Variants in LINGO2 observed in about 807,000 individuals in gnomAD.
LINGO2 encodes the protein leucine rich repeat and Ig domain containing 2, also known as leucine-rich repeat and immunoglobulin-like domain-containing nogo receptor-interacting protein 2.
A neutral mutation model predicts 30.6 loss-of-function variants in LINGO2; 14 were observed. That is an observed-to-expected ratio of 0.46 (90% CI 0.30 to 0.72). The LOEUF (loss-of-function observed/expected upper bound fraction) is 0.72, where lower values mean the gene tolerates loss of function less well. Among genes scored for constraint, LINGO2 ranks in the 30% least tolerant of loss-of-function variants. LINGO2 has a pLI of 0.07. For synonymous variants in LINGO2, 317 were observed against 288.5 expected (o/e 1.10, Z -1.00); for missense variants, 729 against 751.7 (o/e 0.97, Z 0.35).
intron 3 of LINGO2, among the ~76,000 whole-genome samples, chr9:28,372,521 A>G (rs2383769): frequency 0.78 from 119,236 of 152,066 alleles, 47,981 homozygotes; most frequent in Middle Eastern, 0.9. Context: ...AGAGAATGGA[A>G]TGATGATAGT....
intron 1 of LINGO2, among the ~76,000 whole-genome samples, chr9:28,663,030 T>C (rs962660307): frequency 6.6e-6 from 1 of 152,162 alleles, no homozygotes; most frequent in Admixed American, 6.6e-5. Flanking sequence ...TTATCTTCTG[T>C]AACTGGGAGG....
the LINGO2 span, among the ~76,000 whole-genome samples, chr9:29,177,664 A>G: frequency 6.6e-6 from 1 of 152,144 alleles, no homozygotes; most frequent in Non-Finnish European, 1.5e-5. Flanking sequence ...CTTTTCCACT[A>G]ATCATGATGT....
At chr9:28,058,435 A>G (rs1283641948) in intron 4 of LINGO2, among the ~76,000 whole-genome samples, 1 of 152,134 alleles carries the variant, frequency 6.6e-6, no homozygotes, top group African/African-American at 2.4e-5. Flanking sequence ...GCTACAATAC[A>G]TAGGTATAAA....
chr9:28,007,010 G>T (rs1477636401), intron 5 of LINGO2, among the ~76,000 whole-genome samples: 1 of 152,064 alleles, frequency 6.6e-6, no homozygotes, highest in African/African-American at 2.4e-5. Flanking sequence ...TTCCAATCTG[G>T]ACCCTTGTGA....
chr9:28,777,620 TAC>T, the LINGO2 span, among the ~76,000 whole-genome samples: 1 of 152,198 alleles, frequency 6.6e-6, no homozygotes, highest in Non-Finnish European at 1.5e-5. Flanking sequence ...AGGCAAAGGG[TAC>T]TCTACTTTAA....
chr9:29,148,305 A>G, the LINGO2 span, among the ~76,000 whole-genome samples: 1 of 152,166 alleles, frequency 6.6e-6, no homozygotes, highest in African/African-American at 2.4e-5. Context: ...GAAAACAGTT[A>G]ATATGTTTGA....
At chr9:29,067,899 T>C in the LINGO2 span, among the ~76,000 whole-genome samples, 1 of 151,702 alleles carries the variant, frequency 6.6e-6, no homozygotes, top group Non-Finnish European at 1.5e-5. Context: ...TTTTCTCAAA[T>C]TTGCTATGGA....
chr9:28,046,863 G>T (rs189898496), intron 4 of LINGO2, among the ~76,000 whole-genome samples: 5 of 152,218 alleles, frequency 3.3e-5, no homozygotes, highest in Admixed American at 3.3e-4. Context: ...AAACTGACGT[G>T]TATCTATTAA....
At chr9:29,055,862 A>ACTCTATC in the LINGO2 span, among the ~76,000 whole-genome samples, 1 of 150,144 alleles carries the variant, frequency 6.7e-6, no homozygotes, top group East Asian at 2.0e-4. Flanking sequence ...ATGGTCTCCA[A>ACTCTATC]CTCTATCCAG....
intron 1 of LINGO2, among the ~76,000 whole-genome samples, chr9:28,494,049 C>G (rs1384289803): frequency 1.3e-5 from 2 of 151,974 alleles, no homozygotes; most frequent in Non-Finnish European, 2.9e-5. Context: ...TTAGTTCTGT[C>G]CCTCTAGAGA....
chr9:28,112,015 T>C (rs866475541), intron 4 of LINGO2, among the ~76,000 whole-genome samples: 1,488 of 130,462 alleles, frequency 0.011, 29 homozygotes, highest in African/African-American at 0.04. Context: ...CCCACTAATG[T>C]GTCATCTAGC....
At chr9:28,561,618 AATAT>A (rs1419148734) in intron 1 of LINGO2, among the ~76,000 whole-genome samples, 125 of 106,558 alleles carry the variant, frequency 1.2e-3, no homozygotes, top group African/African-American at 4.4e-3. Flanking sequence ...ATATATGTAT[AATAT>A]ATATAAATTA....
At chr9:28,213,296 T>A (rs1425858212) in intron 4 of LINGO2, among the ~76,000 whole-genome samples, 1 of 151,450 alleles carries the variant, frequency 6.6e-6, no homozygotes, top group Non-Finnish European at 1.5e-5. Context: ...GGAACCCCTG[T>A]GTTTTTCTAG....
Position 28,348,582 on chromosome 9 carries a change from A to G in LINGO2, c.-246+24254T>C, listed in dbSNP as rs532028359. Among the ~76,000 whole-genome samples, 71 of 152,224 alleles carry G rather than the reference A, an allele frequency of 4.7e-4. No individual in the cohort carries two copies. In the South Asian group the frequency reaches 5.6e-3, roughly 12 times the overall value. On this transcript the variant is annotated intron_variant, in intron 3 of 5. Transcript: ENST00000379992. ...CAGCGAGGCTGGGGGAGGGGCGCCCACCATTGCCCAGGCTTGATTAGGTAA... is the reference window on the plus strand; with the variant it reads ...CAGCGAGGCTGGGGGAGGGGCGCCCGCCATTGCCCAGGCTTGATTAGGTAA...
the LINGO2 span, among the ~76,000 whole-genome samples, chr9:28,995,463 C>G: frequency 2.6e-5 from 4 of 152,224 alleles, no homozygotes; most frequent in East Asian, 1.9e-4. Flanking sequence ...TCAGTGTGGC[C>G]ATGCCTCAGG....
chr9:28,054,162 G>A (rs2133079860), intron 4 of LINGO2, among the ~76,000 whole-genome samples: 1 of 152,170 alleles, frequency 6.6e-6, no homozygotes, highest in South Asian at 2.1e-4. Context: ...ACCTTAGCCT[G>A]TTGTACATTT....
chr9:28,107,203 ATTGT>A (rs967664033), intron 4 of LINGO2, among the ~76,000 whole-genome samples: 1 of 152,100 alleles, frequency 6.6e-6, no homozygotes, highest in African/African-American at 2.4e-5. Flanking sequence ...ATTTTGTATG[ATTGT>A]TTGGGGTCTT....
chr9:28,123,340 T>C (rs1827150778), intron 4 of LINGO2, among the ~76,000 whole-genome samples: 1 of 152,198 alleles, frequency 6.6e-6, no homozygotes, highest in Admixed American at 6.5e-5. Flanking sequence ...CTTGGCTATG[T>C]GAAAGGTAGG....
chr9:28,078,185 A>T (rs980867199), intron 4 of LINGO2, among the ~76,000 whole-genome samples: 1 of 149,192 alleles, frequency 6.7e-6, no homozygotes, highest in Non-Finnish European at 1.5e-5. Context: ...TAGTAAGAGG[A>T]GCAGATATTT....
Sources: gnomAD v4.1 joint callset for allele counts (sites outside exome capture counted in the v4.1 genomes callset) on GRCh38, gnomAD v4.1.1 for gene constraint, MANE v1.5 for transcripts, NCBI Gene and HGNC (gene_info 2026-07-23, HGNC 2026-07-21) for gene names.